The following TSPAN12 variants were observed in gnomAD, a reference collection of about 807,000 sequenced individuals.
The protein encoded by TSPAN12 is tetraspanin-12.
Under a neutral mutation model 39.2 loss-of-function variants are expected in TSPAN12, and 19 were observed. The observed-to-expected ratio is 0.49, with a 90% CI of 0.34 to 0.71. The LOEUF (loss-of-function observed/expected upper bound fraction) is 0.71, where lower values mean the gene tolerates loss of function less well. Among genes scored for constraint, TSPAN12 ranks in the 30% least tolerant of loss-of-function variants. The probability of loss-of-function intolerance (pLI) is 0.01; values close to 1 mark genes in which losing one functional copy is unlikely to be tolerated. For synonymous variants in TSPAN12, 119 were observed against 124.8 expected, an observed-to-expected ratio of 0.95 and a Z score of 0.31; for missense variants, 314 against 359.9, an observed-to-expected ratio of 0.87 and a Z score of 1.03.
At position 120,788,610 on chromosome 7, in the gene TSPAN12, A is replaced by C; in HGVS notation, c.900T>G (p.Phe300Leu). The C allele has an allele frequency of 6.2e-7, 1 of 1,614,072 alleles. No individual in the cohort carries two copies. The highest frequency in any genetic ancestry group is 1.1e-5 in the South Asian group (1 of 91,072). ...TSMANSFNTH[F>L]EMEEL ...TTTCTTTTTATAACTCCTCCATCTC[A>C]AAGTGTGTATTAAAGCTGTTTGCCA... Residue 300 changes from phenylalanine to leucine, a missense_variant, in exon 8 of 8, where the codon TTT (phenylalanine) becomes TTG (leucine). Coordinates refer to ENST00000222747, the MANE Select transcript of TSPAN12 (RefSeq NM_012338.4).
intron 7 of TSPAN12, among the ~76,000 whole-genome samples, chr7:120,796,267 G>A (rs1793627923): frequency 6.6e-6 from 1 of 152,126 alleles, no homozygotes; most frequent in African/African-American, 2.4e-5. Flanking sequence ...AACAAGCAAA[G>A]TGAAAAACTG....
intron 4 of TSPAN12, among the ~76,000 whole-genome samples, chr7:120,826,397 T>G (rs1272723875): frequency 6.6e-6 from 1 of 152,152 alleles, no homozygotes; most frequent in Non-Finnish European, 1.5e-5. Flanking sequence ...ATGGTGTCTA[T>G]TGCCTGGTAA....
intron 7 of TSPAN12, among the ~76,000 whole-genome samples, 187 bp from the exon 8 acceptor site, chr7:120,789,084 A>G (rs184262959): frequency 6.6e-6 from 1 of 152,198 alleles, no homozygotes; most frequent in Non-Finnish European, 1.5e-5. Context: ...GCTTTTGAAA[A>G]GCCTGTCCAG....
chr7:120,827,997 CA>C (rs1350363817), intron 4 of TSPAN12, among the ~76,000 whole-genome samples: 2 of 152,202 alleles, frequency 1.3e-5, no homozygotes, highest in African/African-American at 4.8e-5. Flanking sequence ...TTTTTAGTAT[CA>C]AATCTGAACT....
intron 2 of TSPAN12, among the ~76,000 whole-genome samples, chr7:120,842,004 A>T (rs1794587474): frequency 1.3e-5 from 2 of 152,198 alleles, no homozygotes. Context: ...ATGTGTATTT[A>T]TCTTCTTAAG....
rs757607505 is a variant in TSPAN12 at position 120,810,499 on chromosome 7, C to T, written c.432G>A (p.Arg144=). 2.5e-6 allele frequency: 4 copies of T among 1,613,716 alleles called. No individual in the cohort carries two copies. Among genetic ancestry groups the T allele is most frequent in the Admixed American group, 1.7e-5 (1 of 59,984 alleles). ...AAAAATTCCAAGCATGAGTAAGCCA[C>T]CGATATCTAGGTAATCCATAATTTG... is the stretch of plus-strand genomic sequence containing the variant. The part of the protein sequence containing the change: ...RMTNYGLPRY[R]WLTHAWNFFQ... Residue 144 remains arginine (R), a synonymous_variant, in exon 6 of 8, where the codon CGG becomes CGA. Transcript: ENST00000222747.
At chr7:120,854,884 C>G (rs1794841658) in intron 2 of TSPAN12, among the ~76,000 whole-genome samples, 1 of 152,026 alleles carries the variant, frequency 6.6e-6, no homozygotes. Context: ...GGGAAGCAAT[C>G]TAAATAAGTC....
intron 2 of TSPAN12, among the ~76,000 whole-genome samples, chr7:120,852,818 A>AT (rs1794793733): frequency 6.6e-6 from 1 of 152,204 alleles, no homozygotes; most frequent in Non-Finnish European, 1.5e-5. Flanking sequence ...CTAGCAAGTT[A>AT]TTGAACTACT....
intron 6 of TSPAN12, among the ~76,000 whole-genome samples, chr7:120,807,480 T>G (rs550129198): frequency 1.3e-5 from 2 of 152,228 alleles, no homozygotes; most frequent in East Asian, 3.9e-4. Context: ...CTATGATGAA[T>G]AATTTTCTGT....
chr7:120,827,363 T>C lies in TSPAN12; in HGVS notation c.285+11414A>G, dbSNP rs543928748. On this transcript the variant is annotated intron_variant, in intron 4 of 7. Transcript: ENST00000222747. ...GTAAACAGCTTGTTCTTTTCATTGA[T>C]AAATATATTCATGCACATACACTTT... 7.2e-5 allele frequency among the ~76,000 whole-genome samples: 11 copies of C among 152,314 alleles called. No individual in the cohort carries two copies. The East Asian group carries it at 1.9e-3, about 27-fold the overall frequency.
chr7:120,812,249 T>G (rs746189963), intron 5 of TSPAN12, among the ~76,000 whole-genome samples: 31 of 152,130 alleles, frequency 2.0e-4, no homozygotes, highest in Non-Finnish European at 3.7e-4. Flanking sequence ...ATCTGGTCAG[T>G]ATATCAAGCT....
chr7:120,818,693 A>G (rs1215339929), intron 4 of TSPAN12, among the ~76,000 whole-genome samples: 1 of 152,146 alleles, frequency 6.6e-6, no homozygotes, highest in African/African-American at 2.4e-5. Context: ...CAGCTTCAAA[A>G]TAAGTGTTGG....
Position 120,794,358 on chromosome 7 carries a change from G to A in TSPAN12, c.613-5461C>T, listed in dbSNP as rs1793590280. Among the ~76,000 whole-genome samples the A allele has an allele frequency of 3.9e-5, 6 of 152,256 alleles. No individual in the cohort carries two copies. In the South Asian group the frequency reaches 1.2e-3, roughly 32 times the overall value. ...TGTTGAAATGTAATCCACAGTGTTGGAAGTAAGGCCTGGTGGGAGGTGTTT... is the reference window on the plus strand; with the variant it reads ...TGTTGAAATGTAATCCACAGTGTTGAAAGTAAGGCCTGGTGGGAGGTGTTT... On this transcript the variant is annotated intron_variant, in intron 7 of 7. Transcript: ENST00000222747.
chr7:120,844,769 C>T lies in TSPAN12; in HGVS notation c.67-4660G>A, dbSNP rs189429334. On this transcript the variant is annotated intron_variant, in intron 2 of 7. Coordinates refer to ENST00000222747, the MANE Select transcript of TSPAN12 (RefSeq NM_012338.4). ...CTGCCATTGAGTGCCTGAAGCTTCT[C>T]CAGGCACATGATGCAAGTCGTCAGT... Among the ~76,000 whole-genome samples the T allele has an allele frequency of 1.8e-3, 269 of 152,306 alleles. 2 individuals are homozygous for T. In the Middle Eastern group the frequency reaches 0.02, roughly 12 times the overall value.
chr7:120,810,544 G>T lies in TSPAN12; in HGVS notation c.387C>A (p.Val129=). The part of the protein sequence containing the change: ...LMVPVQWSDM[V]TLKARMTNYG... ...AATTTGTCATCCTGGCTTTCAAAGTGACCATATCTGACCATTGTACTGGAA... is the reference window on the plus strand; with the variant it reads ...AATTTGTCATCCTGGCTTTCAAAGTTACCATATCTGACCATTGTACTGGAA... Residue 129 remains valine (V), a synonymous_variant, in exon 6 of 8, where the codon GTC becomes GTA. Coordinates refer to ENST00000222747, the MANE Select transcript of TSPAN12 (RefSeq NM_012338.4). 6.2e-7 allele frequency: 1 copy of T among 1,613,288 alleles called. No homozygotes were observed. The highest frequency in any genetic ancestry group is 1.1e-5 in the South Asian group (1 of 91,024).
At chr7:120,840,843 C>G (rs950418950) in intron 2 of TSPAN12, among the ~76,000 whole-genome samples, 1 of 152,166 alleles carries the variant, frequency 6.6e-6, no homozygotes, top group Non-Finnish European at 1.5e-5. Flanking sequence ...CATTCTAGAG[C>G]ATCACCATTT....
intron 4 of TSPAN12, among the ~76,000 whole-genome samples, chr7:120,822,017 T>C (rs192347782): frequency 1.1e-4 from 17 of 152,204 alleles, no homozygotes; most frequent in African/African-American, 3.6e-4. Flanking sequence ...TTTTTAAAAG[T>C]AGTGAAATCA....
At chr7:120,796,792 T>C (rs949140306) in intron 7 of TSPAN12, among the ~76,000 whole-genome samples, 1 of 152,142 alleles carries the variant, frequency 6.6e-6, no homozygotes, top group African/African-American at 2.4e-5. Context: ...CGTGTAAACT[T>C]AGTCCATCCA....
At chr7:120,797,593 AATACCT>A (rs1265771341) in intron 7 of TSPAN12, among the ~76,000 whole-genome samples, 1 of 152,226 alleles carries the variant, frequency 6.6e-6, no homozygotes, top group East Asian at 1.9e-4. Flanking sequence ...CTGCACATGG[AATACCT>A]GACAAGAACC....
Sources: allele counts gnomAD v4.1 joint callset (sites outside exome capture counted in the v4.1 genomes callset), GRCh38; gene constraint gnomAD v4.1.1; transcripts MANE v1.5; gene names NCBI Gene and HGNC (gene_info 2026-07-23, HGNC 2026-07-21).